Variants in MNS1 observed in about 807,000 individuals in gnomAD.
MNS1 encodes the protein meiosis-specific nuclear structural protein 1.
MNS1 carries 63 observed loss-of-function variants against 72.0 expected under a neutral mutation model. The ratio of observed to expected loss-of-function variants is 0.87; its 90% CI spans 0.71 to 1.08. The LOEUF (loss-of-function observed/expected upper bound fraction) is 1.08, where lower values mean the gene tolerates loss of function less well. MNS1 is among the 50% of genes least tolerant of loss of function. MNS1 has a pLI of 0.00. For missense variants in MNS1, 604 were observed against 562.4 expected (o/e 1.07, Z -0.75); for synonymous variants, 188 against 172.1 (o/e 1.09, Z -0.72).
rs771107798 is a variant in MNS1, at chr15:56,446,844, T to TA, written c.452_453insT (p.Gln151HisfsTer5). 8.1e-6 allele frequency: 13 copies of TA among 1,596,664 alleles called. No individual in the cohort carries two copies. Among genetic ancestry groups the TA allele is most frequent in the African/African-American group, 2.7e-5 (2 of 74,592 alleles). ...TAATGACCAGAAACATGATTACCATTTGTTCATATTTAATGGCATCCTTTT... is the reference window on the plus strand; with the variant it reads ...TAATGACCAGAAACATGATTACCATTATGTTCATATTTAATGGCATCCTTTT... On this transcript the variant is annotated frameshift_variant, in exon 4 of 10. Coordinates refer to ENST00000260453, the MANE Select transcript of MNS1 (RefSeq NM_018365.4). LOFTEE classifies it high-confidence loss of function.
chr15:56,446,993 G>T, intron 3 of MNS1, 50 bp from the exon 4 acceptor site: 2 of 1,305,782 alleles, frequency 1.5e-6, no homozygotes, highest in Non-Finnish European at 1.1e-6. Context: ...ATAAGAGAAT[G>T]AAAACCTCAC....
At chr15:56,454,045 G>A (rs1416191792) in intron 3 of MNS1, among the ~76,000 whole-genome samples, 1 of 151,746 alleles carries the variant, frequency 6.6e-6, no homozygotes, top group Admixed American at 6.6e-5. Context: ...TATGGCTTGT[G>A]CACAAAATAA....
chr15:56,436,580 A>G lies in MNS1; in HGVS notation c.1012-2185T>C, dbSNP rs367717400. On this transcript the variant is annotated intron_variant, in intron 7 of 9. Transcript: ENST00000260453. ...CCAAGAGCAAACACATTCAAAAGCT[A>G]GCAGAAGGCAAGAAATAACTAAGAT... Among the ~76,000 whole-genome samples, 10 of 152,306 alleles carry G rather than the reference A, an allele frequency of 6.6e-5. No individual in the cohort carries two copies. The South Asian group carries it at 1.0e-3, about 16-fold the overall frequency.
At chr15:56,454,803 T>G (rs940293828) in intron 3 of MNS1, among the ~76,000 whole-genome samples, 1 of 152,198 alleles carries the variant, frequency 6.6e-6, no homozygotes, top group Admixed American at 6.5e-5. Context: ...ATCTGTATTT[T>G]TCTATCCTTT....
At chr15:56,434,570 A>G (rs2050686387) in intron 7 of MNS1, among the ~76,000 whole-genome samples, 175 bp from the exon 8 acceptor site, 2 of 152,142 alleles carry the variant, frequency 1.3e-5, no homozygotes, top group African/African-American at 4.8e-5. Context: ...TGGATAAAGA[A>G]TATGCTTACA....
chr15:56,447,675 A>G (rs1052355811), intron 3 of MNS1: 2 of 152,208 alleles, frequency 1.3e-5, no homozygotes, highest in Non-Finnish European at 2.9e-5. Flanking sequence ...ACAATATTCA[A>G]TAAACTGAAC....
At chr15:56,435,298 T>C (rs1473756041) in intron 7 of MNS1, among the ~76,000 whole-genome samples, 1 of 151,534 alleles carries the variant, frequency 6.6e-6, no homozygotes, top group African/African-American at 2.4e-5. Context: ...ACCCAAAATA[T>C]GCAGAAGGAA....
intron 2 of MNS1, among the ~76,000 whole-genome samples, chr15:56,463,192 T>G (rs1278564654): frequency 1.3e-5 from 2 of 152,146 alleles, no homozygotes; most frequent in African/African-American, 2.4e-5. Context: ...CTTAAAATGT[T>G]GAGATATACC....
chr15:56,461,986 T>TG (rs1567155345), intron 2 of MNS1, among the ~76,000 whole-genome samples: 13 of 135,956 alleles, frequency 9.6e-5, no homozygotes, highest in African/African-American at 2.2e-4. Flanking sequence ...TTTTTTTTTT[T>TG]TTTTTTTTTT....
Position 56,465,092 on chromosome 15 carries a change from C to T in MNS1, c.-120G>A. On this transcript the variant is annotated 5_prime_UTR_variant, in exon 1 of 10. Coordinates refer to ENST00000260453, the MANE Select transcript of MNS1 (RefSeq NM_018365.4). Reference sequence around the variant, plus strand: ...TGCGCGCGCTCGGGTGTTTACGCGGCGTCTTGGCAACGGTGGAGCTGCGCG... The same window carrying T: ...TGCGCGCGCTCGGGTGTTTACGCGGTGTCTTGGCAACGGTGGAGCTGCGCG... 1 of 1,397,082 alleles carries T rather than the reference C, an allele frequency of 7.2e-7. No homozygotes were observed. Among genetic ancestry groups the T allele is most frequent in the Non-Finnish European group, 9.8e-7 (1 of 1,018,942 alleles). 86.5% of individuals were successfully genotyped at this position (1,397,082 alleles called of 1,614,324 possible).
chr15:56,452,770 G>A (rs1234258035), intron 3 of MNS1, among the ~76,000 whole-genome samples: 1 of 151,874 alleles, frequency 6.6e-6, no homozygotes, highest in Non-Finnish European at 1.5e-5. Context: ...CACTCACCTC[G>A]GCCTCCCAAA....
chr15:56,436,767 A>G (rs1464754948), intron 7 of MNS1, among the ~76,000 whole-genome samples: 1 of 152,168 alleles, frequency 6.6e-6, no homozygotes, highest in Non-Finnish European at 1.5e-5. Flanking sequence ...AAAAATGATA[A>G]AGGGGATATC....
chr15:56,434,540 T>C, intron 7 of MNS1, 145 bp from the exon 8 acceptor site: 2 of 877,852 alleles, frequency 2.3e-6, no homozygotes, highest in Non-Finnish European at 3.4e-6. Flanking sequence ...GATAACTTTG[T>C]CCATCCCTTT....
intron 2 of MNS1, chr15:56,463,664 C>T (rs2051037302): frequency 5.6e-6 from 1 of 178,666 alleles, no homozygotes; most frequent in Admixed American, 5.8e-5. Context: ...CGCCTATAGT[C>T]CCAGCTATTC....
chr15:56,449,322 C>CTTTTTTTTTTTTTTTTTTTTTTTTT (rs576363039), intron 3 of MNS1, among the ~76,000 whole-genome samples: 2 of 151,254 alleles, frequency 1.3e-5, no homozygotes, highest in East Asian at 2.0e-4. Flanking sequence ...TTGCTACACT[C>CTTTTTTTTTTTTTTTTTTTTTTTTT]TTTTTATTAA....
At chr15:56,439,446 TAAA>T (rs35812910) in intron 7 of MNS1, among the ~76,000 whole-genome samples, 2 of 151,566 alleles carry the variant, frequency 1.3e-5, no homozygotes, top group Admixed American at 1.3e-4. Flanking sequence ...CTAGAATAGC[TAAA>T]AAAAAAATTT....
chr15:56,452,449 G>A (rs1474511762), intron 3 of MNS1, among the ~76,000 whole-genome samples: 10 of 151,942 alleles, frequency 6.6e-5, no homozygotes, highest in East Asian at 1.9e-4. Context: ...TACTTAGAAC[G>A]TACCAATATT....
rs763750114 is a variant in MNS1 at position 56,464,215 on chromosome 15, T to G, written c.36A>C (p.Glu12Asp). The stretch of plus-strand genomic sequence containing the variant: ...TTTCATCTACTAATTTCTGATGCCT[T>G]TCACTACAGCTCAAATTTCTCCTTT... ...GSKRRNLSCS[E>D]RHQKLVDENY... Residue 12 changes from glutamate to aspartate, a missense_variant, in exon 2 of 10, where the codon GAA (glutamate) becomes GAC (aspartate). Physicochemically the swap from Glu to Asp is conservative, Grantham distance 45. Transcript: ENST00000260453. The G allele has an allele frequency of 1.2e-6, 2 of 1,612,702 alleles. No individual in the cohort carries two copies. Among genetic ancestry groups the G allele is most frequent in the Non-Finnish European group, 1.7e-6 (2 of 1,179,706 alleles).
At chr15:56,447,022 A>AT (rs2050910269) in intron 3 of MNS1, 79 bp from the exon 4 acceptor site, 1 of 934,296 alleles carries the variant, frequency 1.1e-6, no homozygotes, top group Non-Finnish European at 1.6e-6. Context: ...GAGTAACTGT[A>AT]TTTTTAATTT....
Sources: allele counts gnomAD v4.1 joint callset (sites outside exome capture counted in the v4.1 genomes callset), GRCh38; gene constraint gnomAD v4.1.1; transcripts MANE v1.5; gene names NCBI Gene and HGNC (gene_info 2026-07-23, HGNC 2026-07-21).